Variants in SFMBT1 observed in about 807,000 individuals in gnomAD.
SFMBT1 encodes Scm like with four mbt domains 1, also known as scm-like with four MBT domains protein 1.
Under a neutral mutation model 108.7 loss-of-function variants are expected in SFMBT1, and 32 were observed. The observed-to-expected ratio is 0.29, with a 90% CI of 0.22 to 0.40. The LOEUF is 0.40. Among genes scored for constraint, SFMBT1 ranks in the 10% least tolerant of loss-of-function variants. The pLI is 1.00. For missense variants in SFMBT1, 816 were observed against 1,059.6 expected, an observed-to-expected ratio of 0.77 and a Z score of 3.19; for synonymous variants, 348 against 369.5, an observed-to-expected ratio of 0.94 and a Z score of 0.67.
At chr3:52,991,339 C>CTTTT (rs1321070989) in intron 1 of SFMBT1, among the ~76,000 whole-genome samples, 13 of 62,620 alleles carry the variant, frequency 2.1e-4, no homozygotes, top group East Asian at 4.8e-4. Flanking sequence ...CATGCTGAAA[C>CTTTT]TTCTTTTTTT....
intron 1 of SFMBT1, among the ~76,000 whole-genome samples, chr3:52,996,206 C>CTTTTTTTTTT (rs35167235): frequency 1.1e-5 from 1 of 88,128 alleles, no homozygotes; most frequent in African/African-American, 4.6e-5. Flanking sequence ...ATAAACAATC[C>CTTTTTTTTTT]TTTTTTTTTT....
intron 1 of SFMBT1, among the ~76,000 whole-genome samples, chr3:53,016,197 C>T (rs1178771439): frequency 6.6e-6 from 1 of 151,928 alleles, no homozygotes; most frequent in African/African-American, 2.4e-5. Flanking sequence ...GCTTACACCT[C>T]TAACTCCAAA....
chr3:52,974,718 C>T (rs775028003), intron 1 of SFMBT1, among the ~76,000 whole-genome samples: 3 of 151,388 alleles, frequency 2.0e-5, no homozygotes, highest in Non-Finnish European at 4.4e-5. Context: ...AGGCCAGGCA[C>T]GGTGGCTCAC....
At chr3:52,966,005 CA>C (rs775989805) in intron 2 of SFMBT1, among the ~76,000 whole-genome samples, 86 of 55,042 alleles carry the variant, frequency 1.6e-3, no homozygotes, top group Middle Eastern at 0.016. Context: ...GACTCCGTTT[CA>C]AAAAAAAAAA....
intron 1 of SFMBT1, among the ~76,000 whole-genome samples, chr3:52,980,890 C>T (rs1467612420): frequency 6.6e-6 from 1 of 152,212 alleles, no homozygotes; most frequent in Admixed American, 6.5e-5. Flanking sequence ...AGTCCGGTCG[C>T]GGTAGCTCAC....
At chr3:53,023,123 C>T (rs571297271) in intron 1 of SFMBT1, among the ~76,000 whole-genome samples, 2 of 152,140 alleles carry the variant, frequency 1.3e-5, no homozygotes, top group Admixed American at 6.5e-5. Context: ...AGAGGAGCAA[C>T]CCGACCTTTA....
chr3:53,029,134 T>C (rs893729962), intron 1 of SFMBT1, among the ~76,000 whole-genome samples: 4 of 133,916 alleles, frequency 3.0e-5, no homozygotes, highest in African/African-American at 1.2e-4. Context: ...GATGCACCAC[T>C]GCACTCCAGC....
At chr3:52,947,825 C>T (rs1703424057) in intron 3 of SFMBT1, among the ~76,000 whole-genome samples, 1 of 151,992 alleles carries the variant, frequency 6.6e-6, no homozygotes, top group Admixed American at 6.6e-5. Context: ...ACCTCTGCCT[C>T]CCGGGCTCAA....
chr3:52,962,483 TTTTTTTTTGTATCCC>T (rs1403559536), intron 2 of SFMBT1, among the ~76,000 whole-genome samples: 1 of 151,208 alleles, frequency 6.6e-6, no homozygotes, highest in Non-Finnish European at 1.5e-5. Context: ...CCAAACAGTA[TTTTTTTTTGTATCCC>T]TATTTTTTGT....
At chr3:52,956,671 G>A (rs1409522642) in intron 2 of SFMBT1, among the ~76,000 whole-genome samples, 2 of 152,120 alleles carry the variant, frequency 1.3e-5, no homozygotes, top group African/African-American at 2.4e-5. Flanking sequence ...TGAGAGAGAA[G>A]AATCACTTGA....
intron 2 of SFMBT1, among the ~76,000 whole-genome samples, chr3:52,966,662 C>T (rs1401182519): frequency 1.4e-5 from 2 of 144,210 alleles, no homozygotes; most frequent in African/African-American, 5.0e-5. Flanking sequence ...AAAGAAAATT[C>T]TCTAAATAGA....
intron 1 of SFMBT1, among the ~76,000 whole-genome samples, chr3:53,044,367 C>A (rs1219382367): frequency 1.3e-5 from 2 of 152,182 alleles, no homozygotes; most frequent in Non-Finnish European, 2.9e-5. Context: ...AAGAAATGTG[C>A]CCAAGATAAG....
At chr3:53,044,441 G>A (rs1018019571) in intron 1 of SFMBT1, among the ~76,000 whole-genome samples, 9 of 144,220 alleles carry the variant, frequency 6.2e-5, no homozygotes, top group South Asian at 2.2e-4. Context: ...TTTCTACCAG[G>A]CCGTAACTTT....
At chr3:52,906,005 T>C in intron 20 of SFMBT1, 108 bp downstream of exon 20, 1 of 1,305,364 alleles carries the variant, frequency 7.7e-7, no homozygotes, top group South Asian at 1.4e-5. Flanking sequence ...ATTCTTGTCT[T>C]TTGGATCAAA....
chr3:52,965,106 T>C (rs572989620), intron 2 of SFMBT1, among the ~76,000 whole-genome samples: 4 of 152,166 alleles, frequency 2.6e-5, no homozygotes, highest in African/African-American at 9.6e-5. Context: ...AAACCTCAGT[T>C]AGAAGAGCAA....
intron 4 of SFMBT1, among the ~76,000 whole-genome samples, chr3:52,941,784 G>C (rs974342140): frequency 1.3e-4 from 20 of 151,870 alleles, no homozygotes; most frequent in African/African-American, 4.8e-4. Flanking sequence ...TGTAGACCCA[G>C]CTACTTGGCA....
At chr3:52,974,816 CCT>C (rs1434136693) in intron 1 of SFMBT1, among the ~76,000 whole-genome samples, 1 of 141,926 alleles carries the variant, frequency 7.0e-6, no homozygotes, top group Non-Finnish European at 1.5e-5. Flanking sequence ...ATGGCAAGAC[CCT>C]GTCTCTATAA....
chr3:53,005,838 T>C (rs1014941330), intron 1 of SFMBT1, among the ~76,000 whole-genome samples: 2 of 152,094 alleles, frequency 1.3e-5, no homozygotes, highest in African/African-American at 2.4e-5. Flanking sequence ...CCTCAGCCAA[T>C]TGTAAGACAG....
intron 20 of SFMBT1, 33 bp from the exon 21 acceptor site, chr3:52,905,309 T>A (rs1320277767): frequency 2.5e-6 from 4 of 1,604,218 alleles, no homozygotes; most frequent in South Asian, 1.1e-5. Flanking sequence ...TTATCTGTGA[T>A]GTGCACATGA....
Sources: allele counts gnomAD v4.1 joint callset (sites outside exome capture counted in the v4.1 genomes callset), GRCh38; gene constraint gnomAD v4.1.1; transcripts MANE v1.5; gene names NCBI Gene and HGNC (gene_info 2026-07-23, HGNC 2026-07-21).